The following WDR64 variants were observed in gnomAD, a reference collection of about 807,000 sequenced individuals.
The protein encoded by WDR64 is WD repeat-containing protein 64.
Under a neutral mutation model 139.3 loss-of-function variants are expected in WDR64, and 112 were observed. That is an observed-to-expected ratio of 0.80 (90% confidence interval 0.69 to 0.94). The LOEUF (loss-of-function observed/expected upper bound fraction) is 0.94. WDR64 is among the 40% of genes least tolerant of loss of function. WDR64 has a pLI of 0.00. For missense variants in WDR64, 1,206 were observed against 1,293.1 expected (o/e 0.93, Z 1.03); for synonymous variants, 444 against 437.7 (o/e 1.01, Z -0.18).
At chr1:241,745,414 T>C (rs1194733012) in intron 13 of WDR64, among the ~76,000 whole-genome samples, 1 of 151,024 alleles carries the variant, frequency 6.6e-6, no homozygotes, top group African/African-American at 2.5e-5. Context: ...ACACCCTGCA[T>C]AGACATGAAA....
At chr1:241,686,083 C>T (rs1002621988) in intron 7 of WDR64, among the ~76,000 whole-genome samples, 4 of 152,126 alleles carry the variant, frequency 2.6e-5, no homozygotes, top group Admixed American at 1.3e-4. Context: ...TTATTATATT[C>T]ATGTAGATGA....
At chr1:241,701,651 C>G (rs368823544) in intron 8 of WDR64, among the ~76,000 whole-genome samples, 1 of 138,030 alleles carries the variant, frequency 7.2e-6, no homozygotes, top group South Asian at 2.6e-4. Flanking sequence ...GTAATGACAA[C>G]CTCAGCAAAC....
intron 6 of WDR64, among the ~76,000 whole-genome samples, chr1:241,681,794 T>G (rs1183069688): frequency 3.9e-5 from 6 of 152,208 alleles, no homozygotes; most frequent in Non-Finnish European, 1.5e-5. Flanking sequence ...TATTATTTTT[T>G]GGGTTTTTGA....
intron 27 of WDR64, 104 bp from the exon 28 acceptor site, chr1:241,801,028 G>A: frequency 2.4e-6 from 2 of 824,630 alleles, no homozygotes; most frequent in Admixed American, 2.2e-5. Flanking sequence ...TTTTTTCTAG[G>A]AGGATTAAAA....
At chr1:241,777,693 C>T (rs1658709757) in intron 21 of WDR64, among the ~76,000 whole-genome samples, 1 of 152,170 alleles carries the variant, frequency 6.6e-6, no homozygotes, top group Admixed American at 6.5e-5. Flanking sequence ...GCTGGGATTA[C>T]AGGAATGAGC....
At chr1:241,711,683 G>T (rs1668174497) in intron 8 of WDR64, 119 bp from the exon 9 acceptor site, 1 of 937,164 alleles carries the variant, frequency 1.1e-6, no homozygotes, top group Non-Finnish European at 1.6e-6. Context: ...TACGGCCTGG[G>T]GGCAAATGGA....
In WDR64 at chr1:241,769,486, C is replaced by T. The variant is rs772475450; in HGVS notation, c.2164C>T (p.Arg722Cys). Residue 722 changes from arginine to cysteine, a missense_variant, in exon 17 of 28, where the codon CGT becomes TGT. Coordinates refer to ENST00000437684, the MANE Select transcript of WDR64 (RefSeq NM_001367482.1). ...AATTAATGACATACTGTTCCTCTTT[C>T]GTACCCCTGAATGTGCAAGGTAACT... ...FKINDILFLF[R>C]TPECARRSSQ... The T allele has an allele frequency of 3.5e-5, 55 of 1,551,254 alleles. No homozygotes were observed. The highest frequency in any genetic ancestry group is 5.5e-5 in the African/African-American group (4 of 73,042).
chr1:241,742,298 C>A (rs1050026430), intron 12 of WDR64, among the ~76,000 whole-genome samples: 5 of 152,206 alleles, frequency 3.3e-5, no homozygotes, highest in African/African-American at 1.2e-4. Context: ...GCAACTCCAT[C>A]TTGAATGAGG....
At chr1:241,767,062 T>A (rs1425539128) in intron 16 of WDR64, among the ~76,000 whole-genome samples, 1 of 152,174 alleles carries the variant, frequency 6.6e-6, no homozygotes, top group Non-Finnish European at 1.5e-5. Context: ...AAGCCCTACA[T>A]GCCTGAAACA....
In WDR64 at chr1:241,738,397, TA is replaced by T. The variant is rs779814555; in HGVS notation, c.1230del (p.Leu411TyrfsTer19). 6.2e-7 allele frequency: 1 copy of T among 1,613,978 alleles called. No individual in the cohort carries two copies. Among genetic ancestry groups the T allele is most frequent in the Non-Finnish European group, 8.5e-7 (1 of 1,179,890 alleles). On this transcript the variant is annotated frameshift_variant, in exon 11 of 28. Transcript: ENST00000437684. LOFTEE classifies it high-confidence loss of function. Reference protein sequence around the residue: ...FRVWDIQTLSLLQVFHDSQGG... With the variant: ...FRVWDIQTLSXLQVFHDSQGG... ...GTGTGGGATATACAAACTCTTTCAC[TA>T]TTACAAGTCTTCCATGACAGCCAGG...
chr1:241,684,567 G>T (rs1272327818), intron 7 of WDR64, among the ~76,000 whole-genome samples: 1 of 152,194 alleles, frequency 6.6e-6, no homozygotes, highest in Non-Finnish European at 1.5e-5. Flanking sequence ...AATCAGAAAT[G>T]ATTAAAAATG....
intron 8 of WDR64, among the ~76,000 whole-genome samples, chr1:241,711,107 C>T (rs980701349): frequency 6.6e-6 from 1 of 152,062 alleles, no homozygotes; most frequent in Non-Finnish European, 1.5e-5. Flanking sequence ...TGTGGTGGCA[C>T]ATGCCTGTAA....
At chr1:241,708,112 C>A (rs1159492986) in intron 8 of WDR64, among the ~76,000 whole-genome samples, 1 of 152,110 alleles carries the variant, frequency 6.6e-6, no homozygotes, top group Non-Finnish European at 1.5e-5. Flanking sequence ...AGCCCATGTC[C>A]TGTGAGGTCT....
At chr1:241,707,807 T>C (rs1668009240) in intron 8 of WDR64, among the ~76,000 whole-genome samples, 1 of 145,668 alleles carries the variant, frequency 6.9e-6, no homozygotes, top group African/African-American at 2.8e-5. Context: ...TGGAAGAAAC[T>C]ATTTAGGTCA....
chr1:241,729,048 A>T (rs1239008683), intron 10 of WDR64, among the ~76,000 whole-genome samples: 1 of 152,182 alleles, frequency 6.6e-6, no homozygotes, highest in African/African-American at 2.4e-5. Flanking sequence ...TTTCTACTTC[A>T]AGTCTTCTCT....
chr1:241,706,319 C>T (rs1189801552), intron 8 of WDR64, among the ~76,000 whole-genome samples: 1 of 152,222 alleles, frequency 6.6e-6, no homozygotes, highest in Non-Finnish European at 1.5e-5. Flanking sequence ...TTCGCTGGAG[C>T]CATCCTAATG....
At position 241,770,633 on chromosome 1, in the gene WDR64, GGA is replaced by G; in HGVS notation, c.2197_2198del (p.Asp733PhefsTer9). On this transcript the variant is annotated frameshift_variant, in exon 18 of 28. Coordinates refer to ENST00000437684, the MANE Select transcript of WDR64 (RefSeq NM_001367482.1). LOFTEE classifies it high-confidence loss of function. ...ACTCCCCTTATAGGAGATCAAGTCA[GGA>G]TTCCATATGTTCTTCATCCCAGTGT... Reference protein sequence around the residue: ...TPECARRSSQDSICSSSQCES... With the variant: ...TPECARRSSQXSICSSSQCES... The G allele has an allele frequency of 1.9e-6, 3 of 1,551,298 alleles. No individual in the cohort carries two copies. In the African/African-American group the frequency reaches 4.1e-5, roughly 21 times the overall value.
intron 10 of WDR64, among the ~76,000 whole-genome samples, chr1:241,735,853 CTCTGTGTGTGTG>C (rs1191910274): frequency 4.4e-5 from 4 of 91,286 alleles, no homozygotes; most frequent in Non-Finnish European, 8.6e-5. Flanking sequence ...CTCTCTCTCT[CTCTGTGTGTGTG>C]TGTGTGTGTG....
At chr1:241,712,044 G>GA (rs1351054293) in intron 9 of WDR64, among the ~76,000 whole-genome samples, 163 bp downstream of exon 9, 2 of 152,176 alleles carry the variant, frequency 1.3e-5, no homozygotes, top group African/African-American at 2.4e-5. Context: ...AACATACTTA[G>GA]AAAAGCCTTC....
Sources: allele counts gnomAD v4.1 joint callset (sites outside exome capture counted in the v4.1 genomes callset), GRCh38; gene constraint gnomAD v4.1.1; transcripts MANE v1.5; gene names NCBI Gene and HGNC (gene_info 2026-07-23, HGNC 2026-07-21).